ANKS1B: variants seen among roughly 807,000 people sequenced by gnomAD.
ANKS1B encodes ankyrin repeat and sterile alpha motif domain containing 1B, also known as ankyrin repeat and sterile alpha motif domain-containing protein 1B.
Under a neutral mutation model 148.3 loss-of-function variants are expected in ANKS1B, and 36 were observed. The ratio of observed to expected loss-of-function variants is 0.24; its 90% CI spans 0.19 to 0.32. ANKS1B has a LOEUF of 0.32. Ranked by LOEUF, ANKS1B falls within the 10% of genes least tolerant of loss-of-function variation. The pLI is 1.00. For synonymous variants in ANKS1B, 542 were observed against 560.8 expected (o/e 0.97, Z 0.47); for missense variants, 1,157 against 1,542.6 (o/e 0.75, Z 4.19).
chr12:99,000,623 A>G (rs1349577917), intron 17 of ANKS1B, among the ~76,000 whole-genome samples: 1 of 152,196 alleles, frequency 6.6e-6, no homozygotes, highest in Non-Finnish European at 1.5e-5. Context: ...ACACAACATG[A>G]GGTCTACCCT....
At chr12:99,547,647 C>T (rs2097183352) in intron 9 of ANKS1B, among the ~76,000 whole-genome samples, 1 of 152,136 alleles carries the variant, frequency 6.6e-6, no homozygotes, top group South Asian at 2.1e-4. Flanking sequence ...ACAAACTACT[C>T]AACTGAGTGG....
intron 24 of ANKS1B, among the ~76,000 whole-genome samples, chr12:98,777,314 A>T (rs79232389): frequency 0.08 from 12,147 of 152,288 alleles, 675 homozygotes; most frequent in Non-Finnish European, 0.12. Flanking sequence ...TTCCAAAAAA[A>T]TTTTTAAAAA....
intron 15 of ANKS1B, among the ~76,000 whole-genome samples, chr12:99,147,321 C>CAGTA (rs1191048684): frequency 5.3e-5 from 8 of 152,166 alleles, no homozygotes; most frequent in Admixed American, 3.9e-4. Flanking sequence ...TTGGCAGAGA[C>CAGTA]AGTAGCATGT....
intron 11 of ANKS1B, among the ~76,000 whole-genome samples, chr12:99,414,609 C>T (rs1344947981): frequency 6.6e-6 from 1 of 152,134 alleles, no homozygotes; most frequent in Non-Finnish European, 1.5e-5. Context: ...CATGTTCTCA[C>T]TCATAAATGG....
At chr12:98,959,418 T>A (rs1243982185) in intron 17 of ANKS1B, among the ~76,000 whole-genome samples, 1 of 152,138 alleles carries the variant, frequency 6.6e-6, no homozygotes, top group Non-Finnish European at 1.5e-5. Flanking sequence ...TGTCTCTTCC[T>A]GCTAAGGCCC....
chr12:99,173,282 G>T (rs551390245), intron 14 of ANKS1B, among the ~76,000 whole-genome samples: 1 of 152,182 alleles, frequency 6.6e-6, no homozygotes, highest in African/African-American at 2.4e-5. Flanking sequence ...TAAATCAGAA[G>T]CCAGAAAAAT....
At chr12:99,680,648 G>A (rs1490362275) in intron 8 of ANKS1B, among the ~76,000 whole-genome samples, 1 of 152,142 alleles carries the variant, frequency 6.6e-6, no homozygotes, top group Non-Finnish European at 1.5e-5. Flanking sequence ...GGGAGAATAG[G>A]AAGTGTGGAC....
chr12:99,579,584 A>G (rs1332092186), intron 9 of ANKS1B, among the ~76,000 whole-genome samples: 1 of 152,254 alleles, frequency 6.6e-6, no homozygotes, highest in Admixed American at 6.5e-5. Flanking sequence ...TGTAGCCAAC[A>G]ATCACATGAA....
chr12:99,720,159 T>C (rs1275665566), intron 8 of ANKS1B, among the ~76,000 whole-genome samples: 3 of 152,214 alleles, frequency 2.0e-5, no homozygotes, highest in African/African-American at 7.2e-5. Flanking sequence ...TTCTCAGTGT[T>C]CTATCTGCTA....
intron 11 of ANKS1B, among the ~76,000 whole-genome samples, chr12:99,403,377 G>C (rs1272587441): frequency 7.0e-6 from 1 of 143,168 alleles, no homozygotes; most frequent in Non-Finnish European, 1.5e-5. Flanking sequence ...GGCTGGTCTT[G>C]AACTCCTGGC....
intron 12 of ANKS1B, among the ~76,000 whole-genome samples, chr12:99,346,838 T>C (rs1444705439): frequency 2.0e-5 from 3 of 151,982 alleles, no homozygotes; most frequent in African/African-American, 4.8e-5. Context: ...AAGACGTGCC[T>C]GCTTCCCCTT....
At chr12:98,737,230 C>T (rs1207772393) in intron 9 of ANKS1B, among the ~76,000 whole-genome samples, 12 of 152,210 alleles carry the variant, frequency 7.9e-5, no homozygotes, top group Admixed American at 7.9e-4. Context: ...TCACATTAAA[C>T]TTCTCTGTTT....
intron 12 of ANKS1B, among the ~76,000 whole-genome samples, chr12:99,379,308 A>G (rs1456232705): frequency 6.6e-6 from 1 of 152,182 alleles, no homozygotes; most frequent in African/African-American, 2.4e-5. Context: ...CAAGCCCTGA[A>G]TCAGAATGGA....
At chr12:99,640,081 C>T (rs189944004) in intron 9 of ANKS1B, among the ~76,000 whole-genome samples, 94 of 152,028 alleles carry the variant, frequency 6.2e-4, no homozygotes, top group African/African-American at 1.9e-3. Context: ...CCGAGGCAGG[C>T]GAATTACTTG....
intron 9 of ANKS1B, among the ~76,000 whole-genome samples, chr12:99,618,451 C>T (rs779995750): frequency 3.9e-5 from 6 of 152,102 alleles, no homozygotes; most frequent in South Asian, 2.1e-4. Flanking sequence ...AAAATCAACT[C>T]TGGGGACTTT....
intron 1 of ANKS1B, among the ~76,000 whole-genome samples, chr12:99,852,748 G>T (rs924849357): frequency 3.2e-4 from 49 of 152,230 alleles, no homozygotes; most frequent in African/African-American, 1.0e-3. Flanking sequence ...TGGCACCGCA[G>T]GCTGTGTGGG....
At chr12:99,534,316 G>A (rs1158374807) in intron 9 of ANKS1B, among the ~76,000 whole-genome samples, 12 of 152,214 alleles carry the variant, frequency 7.9e-5, no homozygotes, top group Non-Finnish European at 1.8e-4. Flanking sequence ...ACATAGCAAT[G>A]AATGTTTCTC....
chr12:99,553,295 T>C (rs1458945399), intron 9 of ANKS1B, among the ~76,000 whole-genome samples: 1 of 152,114 alleles, frequency 6.6e-6, no homozygotes, highest in African/African-American at 2.4e-5. Flanking sequence ...TTAAACCCGG[T>C]TGGGGTTTGT....
intron 8 of ANKS1B, among the ~76,000 whole-genome samples, chr12:99,711,740 G>A (rs1245161032): frequency 2.6e-5 from 4 of 152,162 alleles, no homozygotes; most frequent in Non-Finnish European, 5.9e-5. Context: ...TTTATACACA[G>A]TTGGTGGGAA....
Sources: gnomAD v4.1 joint callset for allele counts (sites outside exome capture counted in the v4.1 genomes callset) on GRCh38, gnomAD v4.1.1 for gene constraint, MANE v1.5 for transcripts, NCBI Gene and HGNC (gene_info 2026-07-23, HGNC 2026-07-21) for gene names.